The following ITPR1 variants were observed in gnomAD, a reference collection of about 807,000 sequenced individuals.
ITPR1 encodes inositol 1,4,5-trisphosphate-gated calcium channel ITPR1.
Under a neutral mutation model 318.4 loss-of-function variants are expected in ITPR1, and 96 were observed. That is an observed-to-expected ratio of 0.30 (90% confidence interval 0.26 to 0.36). The LOEUF (loss-of-function observed/expected upper bound fraction) is 0.36, where lower values mean the gene tolerates loss of function less well. Among genes scored for constraint, ITPR1 ranks in the 10% least tolerant of loss-of-function variants. The pLI is 1.00. For missense variants in ITPR1, 2,440 were observed against 3,460.2 expected (o/e 0.71, Z 7.40); for synonymous variants, 1,312 against 1,289.9 (o/e 1.02, Z -0.37).
intron 40 of ITPR1, among the ~76,000 whole-genome samples, chr3:4,721,519 A>G (rs1332950771): frequency 6.7e-6 from 1 of 149,880 alleles, no homozygotes; most frequent in Non-Finnish European, 1.5e-5. Flanking sequence ...AGGCTGATGC[A>G]GGATCGGGCC....
chr3:4,771,745 T>TAA (rs915930421), intron 46 of ITPR1, among the ~76,000 whole-genome samples: 3 of 147,810 alleles, frequency 2.0e-5, no homozygotes, highest in Admixed American at 1.3e-4. Context: ...TATTTTAACT[T>TAA]AAAAAAAAAA....
At chr3:4,776,157 C>T (rs575994299) in intron 47 of ITPR1, among the ~76,000 whole-genome samples, 5 of 152,306 alleles carry the variant, frequency 3.3e-5, no homozygotes, top group Admixed American at 3.3e-4. Context: ...CGGCTCACTG[C>T]CTCCTGGATT....
At chr3:4,688,350 C>T (rs1441785896) in intron 30 of ITPR1, 145 bp from the exon 31 acceptor site, 1 of 873,792 alleles carries the variant, frequency 1.1e-6, no homozygotes, top group Non-Finnish European at 1.8e-6. Flanking sequence ...TTTTCAGCGT[C>T]AGCAGTGCAG....
At position 4,592,944 on chromosome 3, in the gene ITPR1, C is replaced by T. The variant is rs77912841; in HGVS notation, c.164-34819C>T. Among the ~76,000 whole-genome samples, 824 of 152,182 alleles carry T rather than the reference C, an allele frequency of 5.4e-3. 10 individuals are homozygous for T. The highest frequency in any genetic ancestry group is 0.019 in the African/African-American group (793 of 41,516). ...TATGAGAAGTATTATTGGAACACTG[C>T]GGGAGTGGTCTTAGCTGGGCACACC... On this transcript the variant is annotated intron_variant, in intron 4 of 61. Coordinates refer to ENST00000649015, the MANE Select transcript of ITPR1 (RefSeq NM_001378452.1).
At chr3:4,738,961 G>A (rs1291327045) in intron 44 of ITPR1, among the ~76,000 whole-genome samples, 1 of 152,216 alleles carries the variant, frequency 6.6e-6, no homozygotes, top group Non-Finnish European at 1.5e-5. Flanking sequence ...CCCCTGGGGG[G>A]CCCAGTCTAA....
At chr3:4,806,344 C>T in intron 55 of ITPR1, 77 bp downstream of exon 55, 4 of 1,383,880 alleles carry the variant, frequency 2.9e-6, no homozygotes, top group Non-Finnish European at 4.1e-6. Context: ...TCATCACAGA[C>T]CCTTCCTTTT....
chr3:4,577,279 T>C (rs2088787011), intron 4 of ITPR1, among the ~76,000 whole-genome samples: 1 of 152,254 alleles, frequency 6.6e-6, no homozygotes, highest in South Asian at 2.1e-4. Context: ...TTTCATTGTA[T>C]GCAATCTGCT....
intron 4 of ITPR1, among the ~76,000 whole-genome samples, chr3:4,597,799 C>A (rs1007984233): frequency 3.3e-5 from 5 of 152,314 alleles, no homozygotes. Flanking sequence ...TGCAGGTAAC[C>A]TCCTAGCTTG....
At chr3:4,521,928 C>A (rs2082601887) in intron 4 of ITPR1, among the ~76,000 whole-genome samples, 1 of 152,190 alleles carries the variant, frequency 6.6e-6, no homozygotes, top group South Asian at 2.1e-4. Context: ...CTTTTCTACC[C>A]AAATTAGTTT....
intron 6 of ITPR1, 98 bp downstream of exon 6, chr3:4,639,568 C>G: frequency 2.3e-6 from 2 of 868,184 alleles, no homozygotes; most frequent in Non-Finnish European, 3.7e-6. Context: ...ACCTTTACAG[C>G]AGGACTCCAT....
intron 4 of ITPR1, among the ~76,000 whole-genome samples, chr3:4,605,808 G>A (rs529821450): frequency 5.3e-5 from 8 of 152,236 alleles, no homozygotes; most frequent in East Asian, 1.9e-4. Context: ...TGAAGCTGGC[G>A]TGATTCCACT....
intron 30 of ITPR1, among the ~76,000 whole-genome samples, chr3:4,686,408 C>T (rs1169391984): frequency 1.3e-5 from 2 of 152,198 alleles, no homozygotes; most frequent in Non-Finnish European, 2.9e-5. Context: ...TGTGCATTAT[C>T]ATCCAAACTT....
intron 2 of ITPR1, among the ~76,000 whole-genome samples, chr3:4,503,032 C>T (rs921407442): frequency 2.0e-5 from 3 of 152,040 alleles, no homozygotes; most frequent in African/African-American, 7.2e-5. Flanking sequence ...TTGCAGTGAG[C>T]TGAGATCGCA....
chr3:4,753,344 A>G (rs1156990228), intron 44 of ITPR1, among the ~76,000 whole-genome samples: 3 of 152,018 alleles, frequency 2.0e-5, no homozygotes, highest in Non-Finnish European at 2.9e-5. Context: ...CCCTGCTTGG[A>G]TATGCGCTGC....
chr3:4,719,108 T>A (rs879378300), intron 40 of ITPR1, among the ~76,000 whole-genome samples: 74 of 152,132 alleles, frequency 4.9e-4, no homozygotes, highest in African/African-American at 1.8e-3. Context: ...TGGCTGGGAG[T>A]TTATTGCTCA....
At chr3:4,682,114 C>A (rs576903517) in intron 26 of ITPR1, among the ~76,000 whole-genome samples, 13 of 152,354 alleles carry the variant, frequency 8.5e-5, no homozygotes, top group African/African-American at 3.1e-4. Context: ...ATTAATACTT[C>A]TTACAGTCCT....
chr3:4,693,807 G>GT, intron 33 of ITPR1, 66 bp downstream of exon 33: 1 of 1,518,936 alleles, frequency 6.6e-7, no homozygotes, highest in Non-Finnish European at 8.9e-7. Context: ...GTGGCTCACT[G>GT]GGAGACATGG....
chr3:4,727,060 C>T, intron 41 of ITPR1, 66 bp from the exon 42 acceptor site: 4 of 1,211,590 alleles, frequency 3.3e-6, no homozygotes, highest in Non-Finnish European at 4.8e-6. Context: ...TTATATGTGA[C>T]TGATGCTGCA....
In ITPR1 at chr3:4,779,523, T is replaced by G. The variant is rs1434750010; in HGVS notation, c.6292-27T>G. ...GGGCCCCCAAGCAGCCCCTCTACAT[T>G]TCCTCTCCCTTTGTTTCTCCAACTA... is the stretch of plus-strand genomic sequence containing the variant. On this transcript the variant is annotated intron_variant, in intron 48 of 61. Coordinates refer to ENST00000649015, the MANE Select transcript of ITPR1 (RefSeq NM_001378452.1). The surrounding 1 kb of genome is among the most constrained non-coding windows in gnomAD (Gnocchi z 4.0). 6.3e-7 allele frequency: 1 copy of G among 1,581,744 alleles called. No individual in the cohort carries two copies. The highest frequency in any genetic ancestry group is 1.7e-5 in the Admixed American group (1 of 59,770).
Sources: allele counts gnomAD v4.1 joint callset (sites outside exome capture counted in the v4.1 genomes callset), GRCh38; gene constraint gnomAD v4.1.1; non-coding constraint Gnocchi (gnomAD v3.1); transcripts MANE v1.5; gene names NCBI Gene and HGNC (gene_info 2026-07-23, HGNC 2026-07-21).